Variants in HDAC4 observed in about 807,000 individuals in gnomAD.
HDAC4 encodes the protein histone deacetylase 4, also known as histone deacetylase A.
In HDAC4, 16 loss-of-function variants were observed where a neutral mutation model predicts 135.1. The observed-to-expected ratio is 0.12, with a 90% confidence interval of 0.08 to 0.18. The LOEUF is 0.18. HDAC4 is among the 10% of genes least tolerant of loss of function. The probability of loss-of-function intolerance (pLI) is 1.00; values close to 1 mark genes in which losing one functional copy is unlikely to be tolerated. For missense variants in HDAC4, 1,143 were observed against 1,511.8 expected, an observed-to-expected ratio of 0.76 and a Z score of 4.05; for synonymous variants, 685 against 653.4, an observed-to-expected ratio of 1.05 and a Z score of -0.74.
At chr2:239,337,841 G>A (rs898871910) in intron 2 of HDAC4, among the ~76,000 whole-genome samples, 12 of 152,248 alleles carry the variant, frequency 7.9e-5, no homozygotes, top group African/African-American at 2.6e-4. Flanking sequence ...ATAAATGAGC[G>A]GACTGGACCC....
Position 239,050,624 on chromosome 2 carries a change from T to C in HDAC4, c.*2473A>G, listed in dbSNP as rs1238987080. 6.6e-6 allele frequency: 1 copy of C among 152,660 alleles called. No individual in the cohort carries two copies. The highest frequency in any genetic ancestry group is 1.5e-5 in the Non-Finnish European group (1 of 68,044). 9.5% of individuals were successfully genotyped at this position (152,660 alleles called of 1,614,324 possible). On this transcript the variant is annotated 3_prime_UTR_variant, in exon 27 of 27. Transcript: ENST00000543185. ...AAGTGAATCCAAGAATCTGCACTCA[T>C]TTGGTCAAAAGTTTGAGTTAATTTC...
intron 26 of HDAC4, 147 bp from the exon 27 acceptor site, chr2:239,053,283 C>A: frequency 7.5e-7 from 1 of 1,325,766 alleles, no homozygotes. Flanking sequence ...TGTTCAGGAT[C>A]TAATGCTCCT....
chr2:239,312,290 G>A (rs2052918123), intron 2 of HDAC4, among the ~76,000 whole-genome samples: 1 of 152,146 alleles, frequency 6.6e-6, no homozygotes, highest in South Asian at 2.1e-4. Context: ...CACAGCCTTG[G>A]TGCCAGGGCT....
At chr2:239,144,226 G>A (rs2041603737) in intron 8 of HDAC4, among the ~76,000 whole-genome samples, 2 of 152,170 alleles carry the variant, frequency 1.3e-5, no homozygotes, top group African/African-American at 2.4e-5. Flanking sequence ...CAGAGCATGC[G>A]ATTCACCACT....
Position 239,053,577 on chromosome 2 carries a change from C to T in HDAC4, c.3113G>A (p.Arg1038His), listed in dbSNP as rs780193624. Residue 1038 changes from arginine to histidine, a missense_variant, in exon 26 of 27, where the codon CGC becomes CAC. Coordinates refer to ENST00000543185, the MANE Select transcript of HDAC4 (RefSeq NM_001378414.1). ...IHSKYWRCLQRTTSTAGRSLI... is the reference protein window; with the variant it reads ...IHSKYWRCLQHTTSTAGRSLI... ...AGAACGCCCCGCTGTGGAGGTTGTG[C>T]GCTGCAGGCAGCGCCAGTACTTGCC... 2.5e-5 allele frequency: 40 copies of T among 1,613,702 alleles called. No homozygotes were observed. The highest frequency in any genetic ancestry group is 1.0e-4 in the Admixed American group (6 of 60,002).
At chr2:239,248,382 C>A (rs1284814976) in intron 2 of HDAC4, among the ~76,000 whole-genome samples, 1 of 152,146 alleles carries the variant, frequency 6.6e-6, no homozygotes, top group Non-Finnish European at 1.5e-5. Context: ...GGGGTTTCAC[C>A]GTGTTAGCCA....
chr2:239,087,165 G>A (rs1299406276), intron 19 of HDAC4, among the ~76,000 whole-genome samples: 2 of 152,196 alleles, frequency 1.3e-5, no homozygotes, highest in Non-Finnish European at 1.5e-5. Flanking sequence ...TCAGTACCAG[G>A]CATTCGGCAG....
At chr2:239,374,605 G>A (rs1003157702) in intron 1 of HDAC4, among the ~76,000 whole-genome samples, 5 of 150,832 alleles carry the variant, frequency 3.3e-5, no homozygotes, top group South Asian at 2.1e-4. Flanking sequence ...GGGTTTCACC[G>A]TTTTAGCCAG....
intron 2 of HDAC4, chr2:239,351,754 C>G (rs1403681554): frequency 1.3e-5 from 2 of 154,438 alleles, no homozygotes; most frequent in African/African-American, 2.4e-5. Context: ...TGCCTCTGCT[C>G]TAAGGAGCAG....
At chr2:239,053,368 A>G (rs2031193328) in intron 26 of HDAC4, 92 bp downstream of exon 26, 1 of 1,512,792 alleles carries the variant, frequency 6.6e-7, no homozygotes. Context: ...TGGGCAGGGC[A>G]TGTGCCATAA....
At chr2:239,283,587 G>A (rs1337217642) in intron 2 of HDAC4, among the ~76,000 whole-genome samples, 1 of 152,272 alleles carries the variant, frequency 6.6e-6, no homozygotes, top group African/African-American at 2.4e-5. Context: ...GAGCACTGCA[G>A]TACAGAAATC....
intron 1 of HDAC4, among the ~76,000 whole-genome samples, chr2:239,383,714 G>C (rs1695583482): frequency 1.3e-5 from 2 of 152,150 alleles, no homozygotes. Context: ...GCGTGGGGTG[G>C]GGGGCAGGGT....
At chr2:239,179,576 A>G (rs2044006826) in intron 4 of HDAC4, among the ~76,000 whole-genome samples, 1 of 152,182 alleles carries the variant, frequency 6.6e-6, no homozygotes, top group African/African-American at 2.4e-5. Context: ...AGAAAAAACC[A>G]TCTTCCACGA....
chr2:239,340,658 C>T (rs965314876), intron 2 of HDAC4, among the ~76,000 whole-genome samples: 4 of 152,148 alleles, frequency 2.6e-5, no homozygotes, highest in African/African-American at 7.2e-5. Context: ...GGGATGCTCA[C>T]GTGTATGTTT....
intron 2 of HDAC4, among the ~76,000 whole-genome samples, chr2:239,254,246 A>AGGG (rs1559289479): frequency 6.6e-5 from 10 of 152,026 alleles, no homozygotes; most frequent in African/African-American, 2.4e-4. Flanking sequence ...GGATGAGAGG[A>AGGG]AGGGAGGGAG....
rs1465327948 is a variant in HDAC4 at position 239,201,892 on chromosome 2, C to T, written c.95-11815G>A. The stretch of plus-strand genomic sequence containing the variant: ...AAACTCAAAGCACCTTCCAAATCTA[C>T]GTTTTCAAACTGCTTTCTTACTGGC... On this transcript the variant is annotated intron_variant, in intron 3 of 26. Transcript: ENST00000543185. Among the ~76,000 whole-genome samples, 3 of 152,200 alleles carry T rather than the reference C, an allele frequency of 2.0e-5. No homozygotes were observed. In the East Asian group the frequency reaches 5.8e-4, roughly 29 times the overall value.
chr2:239,268,781 T>C (rs1047787643), intron 2 of HDAC4, among the ~76,000 whole-genome samples: 1 of 152,178 alleles, frequency 6.6e-6, no homozygotes, highest in South Asian at 2.1e-4. Context: ...TTTTCATCAG[T>C]TGTCAACCAA....
intron 1 of HDAC4, among the ~76,000 whole-genome samples, chr2:239,397,704 G>T (rs1389976124): frequency 6.6e-6 from 1 of 152,230 alleles, no homozygotes; most frequent in African/African-American, 2.4e-5. Flanking sequence ...AGAAGCCCAA[G>T]AGAAGAAAAC....
chr2:239,184,592 G>A (rs574835995), intron 4 of HDAC4, among the ~76,000 whole-genome samples: 37 of 142,912 alleles, frequency 2.6e-4, no homozygotes, highest in Non-Finnish European at 5.2e-4. Context: ...ATCGGGGGGG[G>A]TCCCTCAGTG....
Sources: gnomAD v4.1 joint callset for allele counts (sites outside exome capture counted in the v4.1 genomes callset) on GRCh38, gnomAD v4.1.1 for gene constraint, MANE v1.5 for transcripts, NCBI Gene and HGNC (gene_info 2026-07-23, HGNC 2026-07-21) for gene names.